The following ADGRV1 variants were observed in gnomAD, a reference collection of about 807,000 sequenced individuals.
The protein encoded by ADGRV1 is adhesion G protein-coupled receptor V1.
In ADGRV1, 359 loss-of-function variants were observed where a neutral mutation model predicts 596.2. The ratio of observed to expected loss-of-function variants is 0.60; its 90% CI spans 0.55 to 0.66. The LOEUF (loss-of-function observed/expected upper bound fraction) is 0.66, where lower values mean the gene tolerates loss of function less well. ADGRV1 is among the 30% of genes least tolerant of loss of function. ADGRV1 has a pLI of 0.00. For missense variants in ADGRV1, 7,274 were observed against 7,575.6 expected, an observed-to-expected ratio of 0.96 and a Z score of 1.48; for synonymous variants, 2,681 against 2,679.2, an observed-to-expected ratio of 1.00 and a Z score of -0.02.
At chr5:90,940,889 G>A (rs899658537) in intron 83 of ADGRV1, among the ~76,000 whole-genome samples, 1 of 152,156 alleles carries the variant, frequency 6.6e-6, no homozygotes, top group Non-Finnish European at 1.5e-5. Context: ...TTAACTGTGT[G>A]GTTATAGGCC....
chr5:90,883,338 A>T (rs541112812), intron 83 of ADGRV1, among the ~76,000 whole-genome samples: 28 of 152,320 alleles, frequency 1.8e-4, no homozygotes, highest in African/African-American at 6.7e-4. Context: ...CTGGAGAGGC[A>T]GCAAATATGT....
intron 58 of ADGRV1, 141 bp from the exon 59 acceptor site, chr5:90,763,164 T>A (rs781656156): frequency 9.3e-5 from 71 of 763,642 alleles, no homozygotes; most frequent in Admixed American, 1.9e-4. Flanking sequence ...GTAAAAAAAA[T>A]TTTTCTGCCA....
intron 1 of ADGRV1, among the ~76,000 whole-genome samples, chr5:90,600,974 C>T (rs154558): frequency 0.21 from 32,211 of 152,020 alleles, 3,821 homozygotes; most frequent in East Asian, 0.4. Context: ...CAGTGGCTCA[C>T]GCCTGTAATT....
intron 9 of ADGRV1, 23 bp downstream of exon 9, chr5:90,629,562 C>A: frequency 2.0e-6 from 3 of 1,527,262 alleles, no homozygotes; most frequent in South Asian, 2.4e-5. Context: ...TTAAAATAAT[C>A]GTAATTTTGG....
chr5:90,763,266 T>TC lies in ADGRV1; in HGVS notation c.12121-39_12121-38insC, dbSNP rs549879061. 1.7e-4 allele frequency: 245 copies of TC among 1,422,102 alleles called. 1 individual carries two copies. Among genetic ancestry groups the TC allele is most frequent in the Non-Finnish European group, 2.2e-4 (240 of 1,069,574 alleles). 88.1% of individuals were successfully genotyped at this position (1,422,102 alleles called of 1,614,324 possible). On this transcript the variant is annotated intron_variant, in intron 58 of 89. Transcript: ENST00000405460. ...ACTTGTTTATCCTGCTCTTTTTGTTTTTTTTTTTGTTTGGCCTTACTGAAT... is the reference window on the plus strand; with the variant it reads ...ACTTGTTTATCCTGCTCTTTTTGTTTCTTTTTTTTGTTTGGCCTTACTGAAT...
chr5:91,017,350 A>G (rs1392938846), intron 85 of ADGRV1, among the ~76,000 whole-genome samples: 1 of 146,550 alleles, frequency 6.8e-6, no homozygotes, highest in Non-Finnish European at 1.5e-5. Flanking sequence ...ATAAGCACCA[A>G]AAAAAAAATG....
intron 9 of ADGRV1, among the ~76,000 whole-genome samples, chr5:90,632,823 A>G (rs1765670362): frequency 6.6e-6 from 1 of 152,210 alleles, no homozygotes; most frequent in Admixed American, 6.5e-5. Context: ...CAGTTAATTT[A>G]TCACTTGCTT....
chr5:91,012,576 C>G (rs1782811879), intron 85 of ADGRV1, among the ~76,000 whole-genome samples: 1 of 151,866 alleles, frequency 6.6e-6, no homozygotes, highest in Non-Finnish European at 1.5e-5. Flanking sequence ...CCTCCCATTA[C>G]TTTCTTTATT....
At chr5:90,802,555 A>G (rs1249918519) in intron 70 of ADGRV1, among the ~76,000 whole-genome samples, 184 bp from the exon 71 acceptor site, 20 of 152,104 alleles carry the variant, frequency 1.3e-4, no homozygotes, top group Admixed American at 1.2e-3. Context: ...TATACTCTAC[A>G]TCTTCCACTC....
chr5:90,665,431 T>C lies in ADGRV1; in HGVS notation c.4753-7115T>C, dbSNP rs543695500. On this transcript the variant is annotated intron_variant, in intron 21 of 89. Transcript: ENST00000405460. ...TGTTTGTAGTATTCTCTGATGGTAG[T>C]TTGTATTTCTGTGGGATCAGTGGTG... 1.8e-4 allele frequency among the ~76,000 whole-genome samples: 28 copies of C among 152,226 alleles called. No individual in the cohort carries two copies. The East Asian group carries it at 5.4e-3, about 29-fold the overall frequency.
At chr5:90,706,174 G>C in intron 37 of ADGRV1, 57 bp from the exon 38 acceptor site, 1 of 1,494,124 alleles carries the variant, frequency 6.7e-7, no homozygotes, top group South Asian at 1.3e-5. Flanking sequence ...TTCACAAGGG[G>C]ATATTATTGT....
rs534764504 is a variant in ADGRV1, at chr5:90,642,707, A to G, written c.2312A>G (p.Asp771Gly). Residue 771 changes from aspartate (D) to glycine (G), a missense_variant, in exon 12 of 90, where the codon GAC becomes GGC. This residue lies in a region of ADGRV1 where 1,715 missense variants were observed against 1,708.8 expected (regional missense o/e 1.00). Transcript: ENST00000405460. ...SRDLIILEND[D>G]PGGVFEFSPA... is the part of the protein sequence containing the mutation. ...GACCTAATTATTTTGGAAAATGATG[A>G]CCCTGGGGGAGTTTTTGAATTTTCT... 6.2e-7 allele frequency: 1 copy of G among 1,613,552 alleles called. No homozygotes were observed. The highest frequency in any genetic ancestry group is 1.3e-5 in the African/African-American group (1 of 75,000).
In ADGRV1 at chr5:90,725,674, T is replaced by C; in HGVS notation, c.10161+18T>C. Reference sequence around the variant, plus strand: ...TAACTCAGGTTTGATTCTTTTAAAATGAAGTGGGTTTTTTTTTGCTTTTCT... The same window carrying C: ...TAACTCAGGTTTGATTCTTTTAAAACGAAGTGGGTTTTTTTTTGCTTTTCT... On this transcript the variant is annotated intron_variant, in intron 48 of 89. Coordinates refer to ENST00000405460, the MANE Select transcript of ADGRV1 (RefSeq NM_032119.4). 1.7e-6 allele frequency: 2 copies of C among 1,209,056 alleles called. No individual in the cohort carries two copies. The highest frequency in any genetic ancestry group is 1.2e-6 in the Non-Finnish European group (1 of 829,222). 74.9% of individuals were successfully genotyped at this position (1,209,056 alleles called of 1,614,324 possible).
In ADGRV1 at chr5:91,153,223, G is replaced by A. The variant is rs926476548; in HGVS notation, c.18627G>A (p.Val6209=). The A allele has an allele frequency of 6.2e-7, 1 of 1,602,318 alleles. No homozygotes were observed. Among genetic ancestry groups the A allele is most frequent in the Non-Finnish European group, 8.5e-7 (1 of 1,174,254 alleles). ...TCCCCCCATCCCAATCTAAAAAGGT[G>A]CCACCTGACTGGGAGAGAGCATCCT... ...TQNLIGAMEE[V]PPDWERASFQ... The change falls in exon 89 of 90, where the codon GTG becomes GTA. Residue 6209 remains valine (V), a splice_region_variant and synonymous_variant. Coordinates refer to ENST00000405460, the MANE Select transcript of ADGRV1 (RefSeq NM_032119.4).
In ADGRV1 at chr5:90,829,097, G is replaced by A. The variant is rs2150321562; in HGVS notation, c.16522G>A (p.Val5508Met). The A allele has an allele frequency of 1.9e-6, 3 of 1,612,460 alleles. No individual in the cohort carries two copies. The highest frequency in any genetic ancestry group is 2.5e-6 in the Non-Finnish European group (3 of 1,178,898). The change falls in exon 77 of 90, where the codon GTG becomes ATG. Residue 5508 changes from valine (V) to methionine (M), a missense_variant. Transcript: ENST00000405460. ...TTTTTCTGTGGGTTCTCGGCTGGCAGTGGCTCACAAGAAGGCCACTTTAAT... is the reference window on the plus strand; with the variant it reads ...TTTTTCTGTGGGTTCTCGGCTGGCAATGGCTCACAAGAAGGCCACTTTAAT... The part of the protein sequence containing the change: ...VYFSVGSRLA[V>M]AHKKATLISL...
chr5:90,797,221 A>G (rs1760824356), intron 70 of ADGRV1, among the ~76,000 whole-genome samples: 1 of 146,116 alleles, frequency 6.8e-6, no homozygotes, highest in Non-Finnish European at 1.5e-5. Flanking sequence ...GACCCATCTC[A>G]TGTGCAGAGA....
chr5:90,663,669 A>C (rs961409713), intron 21 of ADGRV1, among the ~76,000 whole-genome samples: 1 of 152,124 alleles, frequency 6.6e-6, no homozygotes, highest in Non-Finnish European at 1.5e-5. Context: ...TTGGTGTTTT[A>C]GACATGAAGT....
At chr5:90,977,430 T>C (rs1331766887) in intron 84 of ADGRV1, among the ~76,000 whole-genome samples, 5 of 152,220 alleles carry the variant, frequency 3.3e-5, no homozygotes, top group Non-Finnish European at 7.3e-5. Flanking sequence ...AATCAACTAT[T>C]AAACAACAGT....
chr5:90,771,274 GA>G (rs1374222193), intron 59 of ADGRV1, among the ~76,000 whole-genome samples: 10 of 152,192 alleles, frequency 6.6e-5, no homozygotes, highest in African/African-American at 2.4e-4. Context: ...AGTAGCCACT[GA>G]AAAGTAAAAA....
Sources: gnomAD v4.1 joint callset for allele counts (sites outside exome capture counted in the v4.1 genomes callset) on GRCh38, gnomAD v4.1.1 for gene constraint, gnomAD v4.1.1 regional missense constraint, MANE v1.5 for transcripts, NCBI Gene and HGNC (gene_info 2026-07-23, HGNC 2026-07-21) for gene names.